Variants in SCUBE2 observed in about 807,000 individuals in gnomAD.
The protein encoded by SCUBE2 is signal peptide, CUB domain and EGF like domain containing 2.
In SCUBE2, 114 loss-of-function variants were observed where a neutral mutation model predicts 125.9. That is an observed-to-expected ratio of 0.91 (90% CI 0.78 to 1.06). SCUBE2 has a LOEUF of 1.06. SCUBE2 is among the 50% of genes least tolerant of loss of function. SCUBE2 has a pLI of 0.00. For missense variants in SCUBE2, 1,255 were observed against 1,301.8 expected (o/e 0.96, Z 0.55); for synonymous variants, 459 against 492.9 (o/e 0.93, Z 0.91).
In SCUBE2 at chr11:9,060,509, T is replaced by C; in HGVS notation, c.866A>G (p.Asn289Ser). The change falls in exon 8 of 23, where the codon AAC (asparagine) becomes AGC (serine). Residue 289 changes from asparagine to serine, a missense_variant. Physicochemically the swap from Asn to Ser is conservative, Grantham distance 46. Around this residue, in one of 3 missense-constraint regions of SCUBE2, gnomAD observed 378 missense variants for 463.1 expected, o/e 0.82. Coordinates refer to ENST00000649792, the MANE Select transcript of SCUBE2 (RefSeq NM_001367977.2). ...ACAGGTGCGGTCACAGCCTCCATTG[T>C]TGACAGCACACGTTTCTGGCAAGGA... The part of the protein sequence containing the change: ...RRLLMETCAV[N>S]NGGCDRTCKD... 2 of 1,613,784 alleles carry C rather than the reference T, an allele frequency of 1.2e-6. No individual in the cohort carries two copies. Among genetic ancestry groups the C allele is most frequent in the Middle Eastern group, 1.6e-4 (1 of 6,062 alleles).
intron 9 of SCUBE2, chr11:9,057,130 G>A (rs898290625): frequency 2.6e-5 from 4 of 152,188 alleles, no homozygotes; most frequent in Non-Finnish European, 5.9e-5. Flanking sequence ...GCCAGTTGTC[G>A]AGAAAGTGCA....
At chr11:9,087,582 C>T (rs757722379) in intron 2 of SCUBE2, among the ~76,000 whole-genome samples, 7 of 152,100 alleles carry the variant, frequency 4.6e-5, no homozygotes, top group Non-Finnish European at 7.4e-5. Flanking sequence ...TCACCAACCC[C>T]ACTTGCTATG....
At position 9,076,323 on chromosome 11, in the gene SCUBE2, G is replaced by A. The variant is rs80049601; in HGVS notation, c.383-1708C>T. On this transcript the variant is annotated intron_variant, in intron 3 of 22. Transcript: ENST00000649792. Reference sequence around the variant, plus strand: ...GCCTTCTGCCACACACTGTCAGGGCGGCCTTAGGGGACCTTCCTCCCACTC... The same window carrying A: ...GCCTTCTGCCACACACTGTCAGGGCAGCCTTAGGGGACCTTCCTCCCACTC... 7.5e-3 allele frequency among the ~76,000 whole-genome samples: 1,137 copies of A among 152,014 alleles called. 12 individuals are homozygous for A. Among genetic ancestry groups the A allele is most frequent in the African/African-American group, 0.026 (1,073 of 41,422 alleles).
At chr11:9,074,020 G>C (rs1861014521) in intron 4 of SCUBE2, among the ~76,000 whole-genome samples, 2 of 152,118 alleles carry the variant, frequency 1.3e-5, no homozygotes, top group South Asian at 4.1e-4. Flanking sequence ...AACATGGAAG[G>C]GCCGGATCTA....
At chr11:9,065,482 CA>C (rs1325051361) in intron 7 of SCUBE2, among the ~76,000 whole-genome samples, 1 of 152,152 alleles carries the variant, frequency 6.6e-6, no homozygotes, top group Non-Finnish European at 1.5e-5. Flanking sequence ...AACTGTGAGT[CA>C]ATTAAGCCTC....
intron 10 of SCUBE2, among the ~76,000 whole-genome samples, chr11:9,055,101 C>A (rs964535879): frequency 1.3e-5 from 2 of 152,112 alleles, no homozygotes; most frequent in African/African-American, 4.8e-5. Flanking sequence ...GTTCCCAAAT[C>A]CTATAGATCC....
At chr11:9,052,857 A>C in intron 12 of SCUBE2, 25 bp from the exon 13 acceptor site, 1 of 1,512,604 alleles carries the variant, frequency 6.6e-7, no homozygotes, top group Non-Finnish European at 8.9e-7. Flanking sequence ...GTCAATTGTC[A>C]AATGCATAAG....
intron 13 of SCUBE2, among the ~76,000 whole-genome samples, chr11:9,051,346 A>T (rs1435253253): frequency 6.6e-6 from 1 of 152,174 alleles, no homozygotes; most frequent in Non-Finnish European, 1.5e-5. Context: ...TTCCTGAGAA[A>T]AAAAGGCCAG....
At chr11:9,060,628 AC>A in intron 7 of SCUBE2, 104 bp from the exon 8 acceptor site, 1 of 878,666 alleles carries the variant, frequency 1.1e-6, no homozygotes. Context: ...TCATGGTCAT[AC>A]CCCAAGTCTC....
At chr11:9,031,436 C>A (rs1856298007) in intron 17 of SCUBE2, among the ~76,000 whole-genome samples, 1 of 152,158 alleles carries the variant, frequency 6.6e-6, no homozygotes, top group Non-Finnish European at 1.5e-5. Flanking sequence ...AGCTCAAGAC[C>A]AGCCTAGGCA....
intron 11 of SCUBE2, 51 bp from the exon 12 acceptor site, chr11:9,053,266 G>A: frequency 2.0e-6 from 3 of 1,501,138 alleles, no homozygotes; most frequent in Non-Finnish European, 2.8e-6. Flanking sequence ...ATTTCCAAGT[G>A]TGACAAGGAT....
Position 9,025,867 on chromosome 11 carries a change from G to T in SCUBE2, c.2702-13C>A. The T allele has an allele frequency of 6.2e-7, 1 of 1,612,594 alleles. No individual in the cohort carries two copies. The highest frequency in any genetic ancestry group is 8.5e-7 in the Non-Finnish European group (1 of 1,179,180). On this transcript the variant is annotated splice_polypyrimidine_tract_variant and intron_variant, in intron 20 of 22. Transcript: ENST00000649792. Reference sequence around the variant, plus strand: ...GAATTGGATGAAGCTGCCAAGGGAAGTTGGAGAAGGGTGGGGTTCAAGACT... The same window carrying T: ...GAATTGGATGAAGCTGCCAAGGGAATTTGGAGAAGGGTGGGGTTCAAGACT...
chr11:9,089,597 G>A, intron 2 of SCUBE2, 110 bp downstream of exon 2: 1 of 1,238,026 alleles, frequency 8.1e-7, no homozygotes, highest in Non-Finnish European at 1.1e-6. Flanking sequence ...CAGGGGCTGG[G>A]GGAAAGGGAG....
intron 16 of SCUBE2, among the ~76,000 whole-genome samples, chr11:9,040,832 T>A (rs1857173466): frequency 6.6e-6 from 1 of 152,204 alleles, no homozygotes; most frequent in East Asian, 1.9e-4. Flanking sequence ...GTGGGCAATT[T>A]AAAACTTACA....
rs1490669134 is a variant in SCUBE2 at position 9,052,775 on chromosome 11, T to C, written c.1505A>G (p.Gln502Arg). The part of the protein sequence containing the change: ...CGSSSPLRNK[Q>R]QKSNDSAFGD... ...AAAAGCAGAGTCATTTGATTTTTGT[T>C]GTTTGTTCCTGAGAGGAGAGGAAGA... The change falls in exon 13 of 23, where the codon CAA becomes CGA. Residue 502 changes from glutamine (Q) to arginine (R), a missense_variant. Physicochemically the swap from Gln to Arg is conservative, Grantham distance 43. This residue lies in a region of SCUBE2 where 378 missense variants were observed against 463.1 expected (regional missense o/e 0.82). Transcript: ENST00000649792. 1 of 1,536,982 alleles carries C rather than the reference T, an allele frequency of 6.5e-7. No homozygotes were observed. Among genetic ancestry groups the C allele is most frequent in the Non-Finnish European group, 8.7e-7 (1 of 1,146,814 alleles).
chr11:9,024,321 T>C (rs1855546027), intron 21 of SCUBE2: 2 of 1,239,524 alleles, frequency 1.6e-6, no homozygotes, highest in Non-Finnish European at 2.1e-6. Flanking sequence ...TCTCTGTCTC[T>C]CTCAGCAGAG....
chr11:9,077,848 G>A (rs148397509), intron 3 of SCUBE2, among the ~76,000 whole-genome samples: 219 of 152,320 alleles, frequency 1.4e-3, no homozygotes, highest in African/African-American at 4.8e-3. Context: ...TGTGTTATCG[G>A]CAAAGGCAAG....
At chr11:9,086,089 C>T (rs757021360) in intron 2 of SCUBE2, among the ~76,000 whole-genome samples, 4 of 152,154 alleles carry the variant, frequency 2.6e-5, no homozygotes, top group Admixed American at 1.3e-4. Context: ...CTGCCTCAGC[C>T]GCCCAAAGTG....
Position 9,025,801 on chromosome 11 carries a change from T to TG in SCUBE2, c.2754dup (p.Ile919HisfsTer18). On this transcript the variant is annotated frameshift_variant, in exon 21 of 23. Coordinates refer to ENST00000649792, the MANE Select transcript of SCUBE2 (RefSeq NM_001367977.2). LOFTEE classifies it high-confidence loss of function. ...TTCTTTGACCTGGAGGTGAAGGCGA[T>TG]GGGGCGTTCGTAGGTCTGGCAGGTT... The TG allele has an allele frequency of 1.2e-6, 2 of 1,614,178 alleles. No homozygotes were observed. The highest frequency in any genetic ancestry group is 1.7e-6 in the Non-Finnish European group (2 of 1,180,030).
Sources: gnomAD v4.1 joint callset for allele counts (sites outside exome capture counted in the v4.1 genomes callset) on GRCh38, gnomAD v4.1.1 for gene constraint, gnomAD v4.1.1 regional missense constraint, MANE v1.5 for transcripts, NCBI Gene and HGNC (gene_info 2026-07-23, HGNC 2026-07-21) for gene names.